Variants in PLAC1 observed in about 807,000 individuals in gnomAD.
PLAC1 encodes placenta-specific protein 1.
For synonymous variants in PLAC1, 68 were observed against 62.1 expected (o/e 1.09, Z -0.44); for missense variants, 136 against 163.2 (o/e 0.83, Z 0.91).
intron 2 of PLAC1, chrX:134,600,848 G>T (rs777142491): frequency 6.3e-5 from 7 of 110,873 alleles, no homozygotes; most frequent in African/African-American, 2.3e-4. Context: ...ATCCCACAAC[G>T]TAGGGATAAT....
At chrX:134,679,146 A>C (rs2078485139) in intron 2 of PLAC1, among the ~76,000 whole-genome samples, 1 of 112,163 alleles carries the variant, frequency 8.9e-6, no homozygotes, top group Admixed American at 9.4e-5. Flanking sequence ...AGTTTGTAAC[A>C]GCAGCCACAG....
At chrX:134,687,815 CATATATATATATAT>C (rs56675396) in intron 2 of PLAC1, among the ~76,000 whole-genome samples, 5,343 of 31,052 alleles carry the variant, frequency 0.17, 517 homozygotes, top group East Asian at 0.25. Flanking sequence ...ACTGAGATAA[CATATATATATATAT>C]ATATATATAT....
intron 1 of PLAC1, among the ~76,000 whole-genome samples, chrX:134,636,067 C>T (rs945047328): frequency 3.6e-5 from 4 of 112,041 alleles, no homozygotes; most frequent in Admixed American, 1.9e-4. Flanking sequence ...CCAGTACCTA[C>T]GTTCCCCCTA....
intron 2 of PLAC1, among the ~76,000 whole-genome samples, chrX:134,579,787 ACAGTGAGGG>A (rs2077965202): frequency 9.0e-6 from 1 of 111,408 alleles, no homozygotes; most frequent in South Asian, 3.8e-4. Context: ...AGAACTTAGG[ACAGTGAGGG>A]CAGATGCTCA....
At chrX:134,738,485 G>A (rs2078709293) in intron 1 of PLAC1, among the ~76,000 whole-genome samples, 1 of 111,949 alleles carries the variant, frequency 8.9e-6, no homozygotes, top group African/African-American at 3.2e-5. Flanking sequence ...TGAGACAACT[G>A]CACCCAAGCC....
intron 2 of PLAC1, among the ~76,000 whole-genome samples, chrX:134,725,276 T>G (rs1392297028): frequency 9.0e-6 from 1 of 111,321 alleles, no homozygotes; most frequent in Non-Finnish European, 1.9e-5. Flanking sequence ...TAGTTTAGTG[T>G]CATGGCTGTT....
At chrX:134,622,332 A>G (rs1162331307) in intron 1 of PLAC1, among the ~76,000 whole-genome samples, 1 of 111,693 alleles carries the variant, frequency 9.0e-6, no homozygotes, top group Non-Finnish European at 1.9e-5. Context: ...ATGCATTTGA[A>G]AGATATTTTC....
At chrX:134,623,212 G>GGGTTCACAACT (rs200116083) in intron 1 of PLAC1, among the ~76,000 whole-genome samples, 1,412 of 111,836 alleles carry the variant, frequency 0.013, 22 homozygotes, top group African/African-American at 0.044. Flanking sequence ...CACTAAGGCT[G>GGGTTCACAACT]GGCTAGTTGG....
chrX:134,722,049 G>A (rs962321911), intron 2 of PLAC1, among the ~76,000 whole-genome samples: 1 of 110,114 alleles, frequency 9.1e-6, no homozygotes, highest in African/African-American at 3.3e-5. Context: ...TAAGAGAAAC[G>A]AAAACATGTG....
intron 1 of PLAC1, among the ~76,000 whole-genome samples, chrX:134,621,684 C>T (rs990330364): frequency 1.2e-4 from 13 of 111,088 alleles, no homozygotes; most frequent in African/African-American, 3.3e-4. Context: ...TAAATAAAAT[C>T]TGTCACCCCC....
chrX:134,611,361 C>A, intron 1 of PLAC1, among the ~76,000 whole-genome samples: 1 of 109,420 alleles, frequency 9.1e-6, no homozygotes, highest in Non-Finnish European at 1.9e-5. Flanking sequence ...AGCTCAGGAT[C>A]TGAAGGTAGG....
At chrX:134,583,737 A>C in intron 2 of PLAC1, among the ~76,000 whole-genome samples, 1 of 108,385 alleles carries the variant, frequency 9.2e-6, no homozygotes, top group Admixed American at 9.9e-5. Context: ...ACCTCCCTCC[A>C]CCCCCTGGTT....
chrX:134,586,839 TTG>T (rs757041226), intron 2 of PLAC1, among the ~76,000 whole-genome samples: 1,347 of 76,599 alleles, frequency 0.018, 27 homozygotes, highest in African/African-American at 0.058. Context: ...CCCAGCTAAT[TTG>T]TGTGTGTGTG....
intron 1 of PLAC1, among the ~76,000 whole-genome samples, chrX:134,759,469 G>C (rs1268247036): frequency 3.6e-5 from 4 of 111,603 alleles, no homozygotes; most frequent in Non-Finnish European, 5.6e-5. Context: ...ATACATTGGT[G>C]GTGGGAATGT....
intron 2 of PLAC1, among the ~76,000 whole-genome samples, chrX:134,596,224 C>G (rs760074579): frequency 8.9e-6 from 1 of 112,208 alleles, no homozygotes; most frequent in South Asian, 3.7e-4. Context: ...TTTGCTTCAA[C>G]CATCAAACAA....
chrX:134,683,794 A>G (rs1441302045), intron 2 of PLAC1, among the ~76,000 whole-genome samples: 2 of 112,296 alleles, frequency 1.8e-5, no homozygotes, highest in Non-Finnish European at 3.8e-5. Context: ...CCACAAAGTC[A>G]ATACTGGCTC....
intron 2 of PLAC1, among the ~76,000 whole-genome samples, chrX:134,684,216 C>T (rs1220129068): frequency 9.0e-6 from 1 of 110,759 alleles, no homozygotes; most frequent in East Asian, 2.8e-4. Context: ...AAAAATTTCT[C>T]CATATAACCC....
chrX:134,755,856 C>CTTTTTTTTTTTTTTTTT (rs776901556), intron 1 of PLAC1, among the ~76,000 whole-genome samples: 9 of 45,545 alleles, frequency 2.0e-4, no homozygotes, highest in East Asian at 1.4e-3. Context: ...CCTTTTCTTT[C>CTTTTTTTTTTTTTTTTT]TTTTTTTTTT....
intron 2 of PLAC1, among the ~76,000 whole-genome samples, chrX:134,705,812 G>A (rs1466742085): frequency 8.9e-6 from 1 of 111,915 alleles, no homozygotes; most frequent in Non-Finnish European, 1.9e-5. Context: ...CGTCATAAAA[G>A]ATGATCTTAT....
Sources: gnomAD v4.1 joint callset for allele counts (sites outside exome capture counted in the v4.1 genomes callset) on GRCh38, gnomAD v4.1.1 for gene constraint, MANE v1.5 for transcripts, NCBI Gene and HGNC (gene_info 2026-07-23, HGNC 2026-07-21) for gene names.